Variants in ARIH2 observed in about 807,000 individuals in gnomAD.
The protein encoded by ARIH2 is ariadne RBR E3 ubiquitin protein ligase 2.
In ARIH2, 12 loss-of-function variants were observed where a neutral mutation model predicts 79.8. The observed-to-expected ratio is 0.15, with a 90% CI of 0.10 to 0.24. The LOEUF is 0.24. Among genes scored for constraint, ARIH2 ranks in the 10% least tolerant of loss-of-function variants. ARIH2 has a pLI of 1.00. For missense variants in ARIH2, 301 were observed against 618.3 expected (o/e 0.49, Z 5.44); for synonymous variants, 224 against 213.9 (o/e 1.05, Z -0.41).
intron 2 of ARIH2, among the ~76,000 whole-genome samples, chr3:48,924,554 TC>T (rs914201756): frequency 3.2e-4 from 49 of 152,086 alleles, no homozygotes; most frequent in Admixed American, 8.5e-4. Context: ...AGTGTCTCAC[TC>T]TTGCCCAGGT....
intron 3 of ARIH2, chr3:48,934,780 A>G (rs995603344): frequency 2.0e-6 from 2 of 985,334 alleles, no homozygotes; most frequent in Non-Finnish European, 2.4e-6. Context: ...TTGCCAGCTT[A>G]GAAAAGTTAT....
At chr3:48,940,808 A>AAAAAAAATATATAT (rs759369585) in intron 3 of ARIH2, among the ~76,000 whole-genome samples, 3 of 98,064 alleles carry the variant, frequency 3.1e-5, no homozygotes, top group African/African-American at 1.2e-4. Flanking sequence ...AAAAAAAAAA[A>AAAAAAAATATATAT]ATATATATAT....
intron 3 of ARIH2, chr3:48,944,851 C>G (rs2088890518): frequency 6.4e-6 from 2 of 312,362 alleles, no homozygotes; most frequent in Non-Finnish European, 1.3e-5. Context: ...TCCCTTGTCC[C>G]CCGGACCCAA....
intron 4 of ARIH2, 119 bp downstream of exon 4, chr3:48,961,798 A>G: frequency 1.6e-6 from 1 of 640,582 alleles, no homozygotes; most frequent in South Asian, 2.1e-5. Flanking sequence ...TATTTTTAAA[A>G]CATTGGATTC....
At chr3:48,975,591 G>A (rs1576523052) in intron 11 of ARIH2, among the ~76,000 whole-genome samples, 2 of 151,440 alleles carry the variant, frequency 1.3e-5, no homozygotes, top group African/African-American at 2.4e-5. Context: ...GGGAGAAGGA[G>A]TCTCACTCTG....
intron 3 of ARIH2, among the ~76,000 whole-genome samples, chr3:48,950,369 C>A (rs1172420758): frequency 1.3e-5 from 2 of 151,936 alleles, no homozygotes; most frequent in African/African-American, 4.8e-5. Flanking sequence ...TAAATGATGT[C>A]TGTTGAGTAA....
At chr3:48,964,806 G>T in intron 4 of ARIH2, 113 bp from the exon 5 acceptor site, 11 of 791,004 alleles carry the variant, frequency 1.4e-5, no homozygotes, top group Non-Finnish European at 2.1e-5. Context: ...GCTTAGTTCT[G>T]TGAGAAAGTA....
At chr3:48,966,543 G>C (rs1283365969) in intron 5 of ARIH2, among the ~76,000 whole-genome samples, 1 of 152,112 alleles carries the variant, frequency 6.6e-6, no homozygotes, top group Non-Finnish European at 1.5e-5. Context: ...AATTACATGT[G>C]ACATCTGGTG....
At chr3:48,948,364 G>A (rs898441086) in intron 3 of ARIH2, among the ~76,000 whole-genome samples, 1 of 152,018 alleles carries the variant, frequency 6.6e-6, no homozygotes, top group East Asian at 1.9e-4. Flanking sequence ...TGCGTCCCAG[G>A]TTCAAGCGAT....
chr3:48,952,154 A>G (rs2090043827), intron 3 of ARIH2, among the ~76,000 whole-genome samples: 1 of 152,190 alleles, frequency 6.6e-6, no homozygotes, highest in African/African-American at 2.4e-5. Flanking sequence ...TCAGTTCAAA[A>G]CATTTTCTAA....
At chr3:48,981,836 A>G (rs752955548) in intron 14 of ARIH2, 108 bp downstream of exon 14, 2 of 825,980 alleles carry the variant, frequency 2.4e-6, no homozygotes, top group Non-Finnish European at 3.9e-6. Flanking sequence ...TGGGAGGGCA[A>G]AGTTAAAACA....
At chr3:48,955,207 G>A (rs560073351) in intron 3 of ARIH2, among the ~76,000 whole-genome samples, 4 of 151,924 alleles carry the variant, frequency 2.6e-5, no homozygotes, top group South Asian at 4.2e-4. Context: ...CAACAGAAAC[G>A]AAAAAGAAAA....
chr3:48,937,513 G>A (rs150417217), intron 3 of ARIH2, among the ~76,000 whole-genome samples: 13 of 152,220 alleles, frequency 8.5e-5, no homozygotes, highest in Middle Eastern at 3.4e-3. Context: ...TGTAAACTAG[G>A]ATATAAACTC....
chr3:48,968,567 G>A lies in ARIH2; in HGVS notation c.572G>A (p.Arg191His), dbSNP rs546937892. 1.7e-5 allele frequency: 28 copies of A among 1,610,936 alleles called. No individual in the cohort carries two copies. In the African/African-American group the frequency reaches 2.3e-4, roughly 13 times the overall value. ...VSCMAQDCPL[R>H]TPEDFVFPLL... is the part of the protein sequence containing the mutation. ...TGCATGGCTCAGGACTGTCCACTCCGTACACCAGAGGACTTTGTGTTTCCA... is the reference window on the plus strand; with the variant it reads ...TGCATGGCTCAGGACTGTCCACTCCATACACCAGAGGACTTTGTGTTTCCA... Residue 191 changes from arginine (R) to histidine (H), a missense_variant, in exon 7 of 16, where the codon CGT becomes CAT. This residue lies in a region of ARIH2 where 223 missense variants were observed against 349.4 expected (regional missense o/e 0.64). Coordinates refer to ENST00000356401, the MANE Select transcript of ARIH2 (RefSeq NM_006321.4).
intron 1 of ARIH2, chr3:48,919,267 T>G: frequency 1.7e-6 from 2 of 1,143,464 alleles, no homozygotes; most frequent in Non-Finnish European, 1.1e-6. Context: ...CCGGCACATC[T>G]AGGCCCTCTC....
chr3:48,975,089 C>T, intron 11 of ARIH2, 110 bp downstream of exon 11: 1 of 1,573,668 alleles, frequency 6.4e-7, no homozygotes, highest in Non-Finnish European at 8.7e-7. Context: ...ATAGAAGAAC[C>T]TCAGTCACTT....
At chr3:48,925,197 T>C (rs2085391239) in intron 2 of ARIH2, 1 of 151,170 alleles carries the variant, frequency 6.6e-6, no homozygotes, top group Non-Finnish European at 1.5e-5. Context: ...CACTGCAAGC[T>C]CCGCCTCCCG....
At chr3:48,949,952 A>T (rs887969067) in intron 3 of ARIH2, among the ~76,000 whole-genome samples, 4 of 151,142 alleles carry the variant, frequency 2.6e-5, no homozygotes, top group Middle Eastern at 3.4e-3. Flanking sequence ...TTTTTAAAAA[A>T]TTTTTCTTTT....
intron 6 of ARIH2, 38 bp downstream of exon 6, chr3:48,967,313 A>G (rs966949262): frequency 6.3e-7 from 1 of 1,598,976 alleles, no homozygotes; most frequent in African/African-American, 1.3e-5. Context: ...GCTGGCATGA[A>G]GTGTTTATCT....
Sources: gnomAD v4.1 joint callset for allele counts (sites outside exome capture counted in the v4.1 genomes callset) on GRCh38, gnomAD v4.1.1 for gene constraint, gnomAD v4.1.1 regional missense constraint, MANE v1.5 for transcripts, NCBI Gene and HGNC (gene_info 2026-07-23, HGNC 2026-07-21) for gene names.